The following SDK1 variants were observed in gnomAD, a reference collection of about 807,000 sequenced individuals.
The protein encoded by SDK1 is protein sidekick-1.
In SDK1, 157 loss-of-function variants were observed where a neutral mutation model predicts 245.5. The observed-to-expected ratio is 0.64, with a 90% confidence interval of 0.56 to 0.73. The LOEUF is 0.73. Among genes scored for constraint, SDK1 ranks in the 30% least tolerant of loss-of-function variants. The probability of loss-of-function intolerance (pLI) is 0.00; values close to 1 mark genes in which losing one functional copy is unlikely to be tolerated. For synonymous variants in SDK1, 1,647 were observed against 1,278.5 expected (o/e 1.29, Z -6.15); for missense variants, 3,583 against 3,002.3 (o/e 1.19, Z -4.52).
At chr7:3,581,341 A>T (rs1449639419) in intron 1 of SDK1, among the ~76,000 whole-genome samples, 7 of 152,226 alleles carry the variant, frequency 4.6e-5, no homozygotes, top group Non-Finnish European at 7.3e-5. Flanking sequence ...TGGGCAAAGG[A>T]CATGAACAGA....
chr7:3,967,822 C>T (rs1329486764), intron 10 of SDK1, among the ~76,000 whole-genome samples: 2 of 152,244 alleles, frequency 1.3e-5, no homozygotes, highest in Non-Finnish European at 2.9e-5. Context: ...GGCCACCGCT[C>T]ACCTCCTGCT....
intron 32 of SDK1, among the ~76,000 whole-genome samples, chr7:4,170,420 C>A (rs543017854): frequency 2.6e-5 from 4 of 152,158 alleles, no homozygotes; most frequent in African/African-American, 9.6e-5. Context: ...GCACTCCAGC[C>A]TGGGTGACAG....
At chr7:4,065,653 T>C (rs1438675925) in intron 19 of SDK1, among the ~76,000 whole-genome samples, 1 of 150,432 alleles carries the variant, frequency 6.6e-6, no homozygotes, top group Non-Finnish European at 1.5e-5. Context: ...AGCTTATCTG[T>C]GAAAAGTCTT....
chr7:3,876,652 C>T (rs1344761693), intron 5 of SDK1, among the ~76,000 whole-genome samples: 1 of 152,076 alleles, frequency 6.6e-6, no homozygotes, highest in Admixed American at 6.5e-5. Flanking sequence ...ACCTAAAATA[C>T]AATACTATAG....
chr7:4,062,793 G>A (rs1779622652), intron 19 of SDK1, among the ~76,000 whole-genome samples: 1 of 152,068 alleles, frequency 6.6e-6, no homozygotes, highest in Admixed American at 6.5e-5. Context: ...ATGCAAGGAT[G>A]GTTCAACATA....
intron 13 of SDK1, among the ~76,000 whole-genome samples, chr7:3,975,860 C>A (rs564854858): frequency 6.6e-6 from 1 of 152,346 alleles, no homozygotes; most frequent in East Asian, 1.9e-4. Flanking sequence ...AATCAGCCGG[C>A]GGCAGTGGTG....
At chr7:3,657,481 G>T (rs1393269658) in intron 4 of SDK1, among the ~76,000 whole-genome samples, 1 of 152,290 alleles carries the variant, frequency 6.6e-6, no homozygotes, top group East Asian at 1.9e-4. Context: ...GTGTGTGGAG[G>T]CAGGGTGGTG....
chr7:3,526,595 T>G (rs898916196), intron 1 of SDK1, among the ~76,000 whole-genome samples: 13 of 152,208 alleles, frequency 8.5e-5, no homozygotes, highest in African/African-American at 3.1e-4. Flanking sequence ...CTCCATCACT[T>G]TGCTTGGGAA....
chr7:3,703,731 A>G (rs765937251), intron 4 of SDK1, among the ~76,000 whole-genome samples: 7 of 152,236 alleles, frequency 4.6e-5, no homozygotes, highest in Non-Finnish European at 1.0e-4. Context: ...ATTTCAAAGT[A>G]AAATACTGTT....
In SDK1 at chr7:3,517,642, G is replaced by A. The variant is rs189303718; in HGVS notation, c.299-101438G>A. On this transcript the variant is annotated intron_variant, in intron 1 of 44. Transcript: ENST00000404826. ...AGAGTAAGGTGGAGGTATAATTTTG[G>A]ATGTGTTGCTGCAGGTTGTCCATGT... Among the ~76,000 whole-genome samples the A allele has an allele frequency of 3.5e-4, 54 of 152,246 alleles. 2 individuals are homozygous for A. In the East Asian group the frequency reaches 0.01, roughly 29 times the overall value.
At chr7:3,617,845 A>G (rs890518623) in intron 1 of SDK1, among the ~76,000 whole-genome samples, 1 of 152,004 alleles carries the variant, frequency 6.6e-6, no homozygotes, top group African/African-American at 2.4e-5. Flanking sequence ...TGGCCATCAC[A>G]TTTCATCATG....
intron 5 of SDK1, among the ~76,000 whole-genome samples, chr7:3,946,601 G>A (rs940612597): frequency 6.6e-6 from 1 of 152,116 alleles, no homozygotes; most frequent in Admixed American, 6.5e-5. Flanking sequence ...ACAGATGTAA[G>A]CCACTAAGCC....
chr7:3,882,132 T>G (rs1781223252), intron 5 of SDK1, among the ~76,000 whole-genome samples: 1 of 152,176 alleles, frequency 6.6e-6, no homozygotes, highest in Non-Finnish European at 1.5e-5. Context: ...TCATCAGATC[T>G]TGTGAGACTT....
At chr7:4,208,780 G>A (rs540573229) in intron 37 of SDK1, among the ~76,000 whole-genome samples, 41 of 152,336 alleles carry the variant, frequency 2.7e-4, no homozygotes, top group Non-Finnish European at 4.4e-4. Flanking sequence ...CACATGCCAC[G>A]GGCCAGTCCC....
intron 4 of SDK1, among the ~76,000 whole-genome samples, chr7:3,724,422 A>G (rs545237113): frequency 2.6e-5 from 4 of 152,186 alleles, no homozygotes; most frequent in East Asian, 3.9e-4. Context: ...AACATAAATA[A>G]AATAAAATAA....
At chr7:3,802,983 C>T (rs534838455) in intron 4 of SDK1, among the ~76,000 whole-genome samples, 78 of 152,230 alleles carry the variant, frequency 5.1e-4, no homozygotes, top group African/African-American at 1.7e-3. Flanking sequence ...CTGAGATGAA[C>T]GTTCAGGATT....
intron 5 of SDK1, among the ~76,000 whole-genome samples, chr7:3,830,626 G>C (rs529750325): frequency 6.6e-6 from 1 of 152,216 alleles, no homozygotes; most frequent in African/African-American, 2.4e-5. Flanking sequence ...CTCCTGATTA[G>C]CTGGGACTGC....
intron 14 of SDK1, among the ~76,000 whole-genome samples, chr7:4,005,998 C>T (rs1785459614): frequency 6.6e-6 from 1 of 152,068 alleles, no homozygotes; most frequent in Admixed American, 6.5e-5. Context: ...AACCCAGGAG[C>T]GGAGGTTGCA....
intron 1 of SDK1, among the ~76,000 whole-genome samples, chr7:3,463,413 C>T (rs561391072): frequency 1.3e-5 from 2 of 152,266 alleles, no homozygotes; most frequent in Non-Finnish European, 1.5e-5. Flanking sequence ...CTGCACTTAA[C>T]ACGTTCTTTT....
Sources: allele counts gnomAD v4.1 joint callset (sites outside exome capture counted in the v4.1 genomes callset), GRCh38; gene constraint gnomAD v4.1.1; transcripts MANE v1.5; gene names NCBI Gene and HGNC (gene_info 2026-07-23, HGNC 2026-07-21).